Variants in RYR2 observed in about 807,000 individuals in gnomAD.
RYR2 encodes cardiac muscle ryanodine receptor-calcium release channel.
RYR2 carries 227 observed loss-of-function variants against 601.1 expected under a neutral mutation model. The observed-to-expected ratio is 0.38, with a 90% CI of 0.34 to 0.42. The LOEUF is 0.42. Among genes scored for constraint, RYR2 ranks in the 10% least tolerant of loss-of-function variants. The pLI is 1.00. For synonymous variants in RYR2, 2,223 were observed against 2,175.1 expected, an observed-to-expected ratio of 1.02 and a Z score of -0.61; for missense variants, 4,646 against 6,156.5, an observed-to-expected ratio of 0.75 and a Z score of 8.21.
chr1:237,623,931 G>A, intron 39 of RYR2, 61 bp downstream of exon 39: 1 of 1,110,350 alleles, frequency 9.0e-7, no homozygotes, highest in South Asian at 1.3e-5. Flanking sequence ...TATATCCTGA[G>A]ACGAAATTAA....
chr1:237,116,550 TACATAC>T (rs144956167), intron 1 of RYR2, among the ~76,000 whole-genome samples: 10,989 of 152,164 alleles, frequency 0.072, 547 homozygotes, highest in African/African-American at 0.15. Context: ...CACACATATA[TACATAC>T]ACATACACAT....
chr1:237,643,321 G>T lies in RYR2; in HGVS notation c.7222-6G>T, dbSNP rs1266124171. ...TTGTTCTAATGTTTTTTTTTCCCCT[G>T]TATAGTTGATTCATGCCGGGAAGGG... On this transcript the variant is annotated splice_polypyrimidine_tract_variant and splice_region_variant and intron_variant, in intron 47 of 104. Coordinates refer to ENST00000366574, the MANE Select transcript of RYR2 (RefSeq NM_001035.3). 1.2e-6 allele frequency: 2 copies of T among 1,610,628 alleles called. No homozygotes were observed. Among genetic ancestry groups the T allele is most frequent in the Admixed American group, 1.7e-5 (1 of 59,512 alleles).
Position 237,808,664 on chromosome 1 carries a change from A to C in RYR2, c.14299-237A>C, listed in dbSNP as rs1044921407. On this transcript the variant is annotated intron_variant, in intron 99 of 104. Transcript: ENST00000366574. ...ACAGAAACTCTGTCTCAAAAAAAAAAAAAACAAAATAAAATAAAATAAAAT... is the reference window on the plus strand; with the variant it reads ...ACAGAAACTCTGTCTCAAAAAAAAACAAAACAAAATAAAATAAAATAAAAT... Among the ~76,000 whole-genome samples the C allele has an allele frequency of 1.0e-4, 15 of 150,688 alleles. No individual in the cohort carries two copies. In the South Asian group the frequency reaches 2.5e-3, roughly 25 times the overall value.
chr1:237,176,254 TA>T, intron 1 of RYR2, among the ~76,000 whole-genome samples: 1 of 80,710 alleles, frequency 1.2e-5, no homozygotes, highest in African/African-American at 3.4e-5. Context: ...AAAAAATATA[TA>T]TATATATATA....
At chr1:237,302,654 G>C (rs568856013) in intron 2 of RYR2, among the ~76,000 whole-genome samples, 1 of 152,270 alleles carries the variant, frequency 6.6e-6, no homozygotes, top group South Asian at 2.1e-4. Flanking sequence ...ACATTGTTAG[G>C]CTAAGAGAAT....
At chr1:237,517,428 CCA>C (rs1447744227) in intron 24 of RYR2, among the ~76,000 whole-genome samples, 1 of 152,138 alleles carries the variant, frequency 6.6e-6, no homozygotes, top group African/African-American at 2.4e-5. Flanking sequence ...CTTCCCTGGG[CCA>C]CATTGGAAGA....
In RYR2 at chr1:237,569,526, T is replaced by C. The variant is rs998653454; in HGVS notation, c.3598+207T>C. ...GCTATCTATACGACTTAGCTAGGAT[T>C]TCTAGAAGGCTGAAATGGCTTTTAT... On this transcript the variant is annotated intron_variant, in intron 29 of 104. Coordinates refer to ENST00000366574, the MANE Select transcript of RYR2 (RefSeq NM_001035.3). Among the ~76,000 whole-genome samples the C allele has an allele frequency of 2.6e-5, 4 of 152,124 alleles. No homozygotes were observed. In the East Asian group the frequency reaches 7.7e-4, roughly 29 times the overall value.
At chr1:237,101,023 G>A (rs1462368492) in intron 1 of RYR2, among the ~76,000 whole-genome samples, 1 of 152,010 alleles carries the variant, frequency 6.6e-6, no homozygotes, top group Non-Finnish European at 1.5e-5. Flanking sequence ...GTCTGCTAGG[G>A]ACCACCAGCT....
At chr1:237,417,525 C>A (rs958144647) in intron 11 of RYR2, among the ~76,000 whole-genome samples, 4 of 152,124 alleles carry the variant, frequency 2.6e-5, no homozygotes, top group African/African-American at 9.7e-5. Flanking sequence ...GTGGATTTAA[C>A]CTTCTAAAAG....
intron 38 of RYR2, among the ~76,000 whole-genome samples, chr1:237,623,167 GTC>G (rs1409268932): frequency 6.6e-6 from 1 of 152,128 alleles, no homozygotes; most frequent in East Asian, 1.9e-4. Flanking sequence ...GTATACAAGA[GTC>G]TGACATATTG....
At chr1:237,172,121 A>G (rs1271089615) in intron 1 of RYR2, among the ~76,000 whole-genome samples, 1 of 152,232 alleles carries the variant, frequency 6.6e-6, no homozygotes, top group African/African-American at 2.4e-5. Flanking sequence ...ATCGGGATGT[A>G]ATTAAATCAT....
chr1:237,219,175 CTAATT>C (rs1305397301), intron 1 of RYR2, among the ~76,000 whole-genome samples: 1 of 152,020 alleles, frequency 6.6e-6, no homozygotes, highest in Non-Finnish European at 1.5e-5. Context: ...CCCCGCCCAG[CTAATT>C]TTTTTCTTTG....
chr1:237,260,362 C>T (rs186366585), intron 1 of RYR2, among the ~76,000 whole-genome samples: 6 of 152,164 alleles, frequency 3.9e-5, no homozygotes, highest in Non-Finnish European at 8.8e-5. Context: ...AAAAACTTCA[C>T]ATTAAAGAAC....
chr1:237,500,723 G>A lies in RYR2; in HGVS notation c.2216G>A (p.Arg739His), dbSNP rs955065308. The change falls in exon 21 of 105, where the codon CGT (arginine) becomes CAT (histidine). Residue 739 changes from arginine (R) to histidine (H), a missense_variant. Coordinates refer to ENST00000366574, the MANE Select transcript of RYR2 (RefSeq NM_001035.3). Reference sequence around the variant, plus strand: ...TTCCCCCCAATAGGTTGTATTGCTCGTACTGTAAGCTCACCAAACCAACAT... The same window carrying A: ...TTCCCCCCAATAGGTTGTATTGCTCATACTGTAAGCTCACCAAACCAACAT... ...GLHLWSGCIARTVSSPNQHLL... is the reference protein window; with the variant it reads ...GLHLWSGCIAHTVSSPNQHLL... 9 of 1,607,282 alleles carry A rather than the reference G, an allele frequency of 5.6e-6. No individual in the cohort carries two copies. Among genetic ancestry groups the A allele is most frequent in the South Asian group, 1.1e-5 (1 of 90,604 alleles).
chr1:237,429,224 G>T (rs953230416), intron 12 of RYR2, among the ~76,000 whole-genome samples: 5 of 152,136 alleles, frequency 3.3e-5, no homozygotes, highest in Non-Finnish European at 7.4e-5. Context: ...ATTCTCTCTA[G>T]TTGATCTCAC....
intron 1 of RYR2, among the ~76,000 whole-genome samples, chr1:237,065,378 C>T (rs1388054803): frequency 6.7e-5 from 10 of 148,334 alleles, no homozygotes; most frequent in Admixed American, 6.1e-4. Context: ...CTCCCGGGTT[C>T]AAGCCATTCT....
In RYR2 at chr1:237,374,809, G is replaced by A. The variant is rs776302587; in HGVS notation, c.463+14G>A. 2.2e-4 allele frequency: 351 copies of A among 1,604,614 alleles called. No homozygotes were observed. Among genetic ancestry groups the A allele is most frequent in the Non-Finnish European group, 1.2e-4 (139 of 1,174,414 alleles). On this transcript the variant is annotated intron_variant, in intron 7 of 104. Coordinates refer to ENST00000366574, the MANE Select transcript of RYR2 (RefSeq NM_001035.3). ...AGGACACCACAGGTAAGCATCTTGT[G>A]CTGCGGGAAGCCAGGTTCAGAGAGA...
rs577572846 is a variant in RYR2 at position 237,667,321 on chromosome 1, A to G, written c.8515-562A>G. Among the ~76,000 whole-genome samples the G allele has an allele frequency of 8.5e-5, 13 of 152,322 alleles. No individual in the cohort carries two copies. In the South Asian group the frequency reaches 2.3e-3, roughly 27 times the overall value. On this transcript the variant is annotated intron_variant, in intron 57 of 104. Coordinates refer to ENST00000366574, the MANE Select transcript of RYR2 (RefSeq NM_001035.3). Reference sequence around the variant, plus strand: ...ATATTGTTAAATTGTTTGGTTTGCCATTTGTTATTGCTCCCATATGAACGT... The same window carrying G: ...ATATTGTTAAATTGTTTGGTTTGCCGTTTGTTATTGCTCCCATATGAACGT...
chr1:237,516,962 A>G (rs1198870063), intron 24 of RYR2, among the ~76,000 whole-genome samples: 1 of 152,150 alleles, frequency 6.6e-6, no homozygotes, highest in Non-Finnish European at 1.5e-5. Flanking sequence ...GCCTGAGTTC[A>G]TACACACACG....
Sources: gnomAD v4.1 joint callset for allele counts (sites outside exome capture counted in the v4.1 genomes callset) on GRCh38, gnomAD v4.1.1 for gene constraint, MANE v1.5 for transcripts, NCBI Gene and HGNC (gene_info 2026-07-23, HGNC 2026-07-21) for gene names.